The following ANKS1B variants were observed in gnomAD, a reference collection of about 807,000 sequenced individuals.
ANKS1B encodes ankyrin repeat and sterile alpha motif domain containing 1B.
A neutral mutation model predicts 148.3 loss-of-function variants in ANKS1B; 36 were observed. The ratio of observed to expected loss-of-function variants is 0.24; its 90% CI spans 0.19 to 0.32. ANKS1B has a LOEUF of 0.32. Among genes scored for constraint, ANKS1B ranks in the 10% least tolerant of loss-of-function variants. The pLI, the probability that ANKS1B is intolerant of heterozygous loss-of-function variation, is 1.00. For missense variants in ANKS1B, 1,157 were observed against 1,542.6 expected (o/e 0.75, Z 4.19); for synonymous variants, 542 against 560.8 (o/e 0.97, Z 0.47).
At chr12:99,511,345 T>G (rs2096763900) in intron 9 of ANKS1B, among the ~76,000 whole-genome samples, 1 of 151,958 alleles carries the variant, frequency 6.6e-6, no homozygotes, top group Non-Finnish European at 1.5e-5. Context: ...TGGCTAGGAA[T>G]ACAGCTAATA....
At chr12:99,453,094 T>A (rs1387878231) in intron 10 of ANKS1B, among the ~76,000 whole-genome samples, 1 of 152,000 alleles carries the variant, frequency 6.6e-6, no homozygotes, top group Non-Finnish European at 1.5e-5. Flanking sequence ...ATCGAGACCA[T>A]CCTGGCTAAC....
intron 4 of ANKS1B, among the ~76,000 whole-genome samples, chr12:99,783,665 G>A (rs950815404): frequency 6.6e-6 from 1 of 152,178 alleles, no homozygotes; most frequent in Non-Finnish European, 1.5e-5. Flanking sequence ...ACATATGTGT[G>A]AGCTAAAAAA....
At chr12:99,370,351 T>G (rs995677166) in intron 12 of ANKS1B, among the ~76,000 whole-genome samples, 2 of 152,110 alleles carry the variant, frequency 1.3e-5, no homozygotes, top group Non-Finnish European at 2.9e-5. Context: ...TGTTATGGCT[T>G]ATGGAACATG....
At chr12:99,182,154 G>A (rs2079190382) in intron 14 of ANKS1B, among the ~76,000 whole-genome samples, 2 of 152,214 alleles carry the variant, frequency 1.3e-5, no homozygotes, top group East Asian at 1.9e-4. Flanking sequence ...ATTTTATATG[G>A]TGGCAGGGCG....
In ANKS1B at chr12:99,767,886, A is replaced by G. The variant is rs149050704; in HGVS notation, c.1128+5036T>C. On this transcript the variant is annotated intron_variant, in intron 8 of 26. Coordinates refer to ENST00000683438, the MANE Select transcript of ANKS1B (RefSeq NM_001352186.2). ...TTAATTTTTAACTTATATTAGTAAA[A>G]GTGTTCAAACTACCATATTATAGCT... Among the ~76,000 whole-genome samples, 604 of 152,258 alleles carry G rather than the reference A, an allele frequency of 4.0e-3. 3 individuals carry two copies. Among genetic ancestry groups the G allele is most frequent in the African/African-American group, 0.014 (581 of 41,566 alleles).
intron 8 of ANKS1B, among the ~76,000 whole-genome samples, chr12:99,716,145 G>A (rs529427493): frequency 7.3e-5 from 11 of 151,666 alleles, no homozygotes; most frequent in Non-Finnish European, 1.3e-4. Flanking sequence ...AGAACCCCCC[G>A]ATCCCTTATT....
intron 9 of ANKS1B, among the ~76,000 whole-genome samples, chr12:99,625,685 A>G (rs1478049603): frequency 6.6e-6 from 1 of 152,192 alleles, no homozygotes; most frequent in East Asian, 1.9e-4. Context: ...CTTCATGATA[A>G]CAATGCAGCT....
At chr12:99,948,329 T>C (rs554629605) in intron 1 of ANKS1B, among the ~76,000 whole-genome samples, 3 of 138,812 alleles carry the variant, frequency 2.2e-5, no homozygotes, top group African/African-American at 5.4e-5. Flanking sequence ...ATCCTGGCCA[T>C]AGCAAAAAAA....
chr12:99,163,733 T>A (rs969056724), intron 14 of ANKS1B, among the ~76,000 whole-genome samples: 8 of 152,128 alleles, frequency 5.3e-5, no homozygotes, highest in Non-Finnish European at 1.2e-4. Flanking sequence ...ATGTAACATT[T>A]TGGAATTGGG....
intron 1 of ANKS1B, among the ~76,000 whole-genome samples, chr12:99,958,529 T>C (rs113643196): frequency 1.4e-3 from 212 of 152,224 alleles, no homozygotes; most frequent in African/African-American, 4.8e-3. Flanking sequence ...ACTACGGGCA[T>C]GCACCACCAT....
At chr12:99,125,718 G>C (rs967325608) in intron 15 of ANKS1B, among the ~76,000 whole-genome samples, 2 of 152,134 alleles carry the variant, frequency 1.3e-5, no homozygotes, top group Admixed American at 6.5e-5. Context: ...ATAACTCCTA[G>C]GTTTCCCATA....
At chr12:98,867,925 G>A (rs567214817) in intron 17 of ANKS1B, among the ~76,000 whole-genome samples, 34 of 151,752 alleles carry the variant, frequency 2.2e-4, no homozygotes, top group Non-Finnish European at 2.8e-4. Flanking sequence ...AGCTTCTGCC[G>A]TTTATGGGAG....
At chr12:99,937,882 T>C (rs917696549) in intron 1 of ANKS1B, among the ~76,000 whole-genome samples, 1 of 152,136 alleles carries the variant, frequency 6.6e-6, no homozygotes, top group African/African-American at 2.4e-5. Flanking sequence ...AAATCAGTCA[T>C]GAATCCTGCC....
chr12:99,380,915 A>G (rs575675924), intron 12 of ANKS1B, among the ~76,000 whole-genome samples: 1 of 152,306 alleles, frequency 6.6e-6, no homozygotes, highest in African/African-American at 2.4e-5. Flanking sequence ...AAGTTCATGA[A>G]TTTACAATAA....
intron 14 of ANKS1B, among the ~76,000 whole-genome samples, chr12:99,167,730 T>C (rs894174723): frequency 1.3e-5 from 2 of 151,970 alleles, no homozygotes; most frequent in African/African-American, 4.8e-5. Flanking sequence ...ACATATGCCA[T>C]ACAGAGACTT....
intron 1 of ANKS1B, among the ~76,000 whole-genome samples, chr12:99,859,419 T>C (rs1358936947): frequency 2.0e-5 from 3 of 152,190 alleles, no homozygotes; most frequent in African/African-American, 4.8e-5. Context: ...AAGTTTGACA[T>C]ATAATTCTTT....
At position 99,560,893 on chromosome 12, in the gene ANKS1B, C is replaced by G. The variant is rs573704070; in HGVS notation, c.1273-56252G>C. Among the ~76,000 whole-genome samples the G allele has an allele frequency of 8.4e-5, 11 of 130,414 alleles. No individual in the cohort carries two copies. In the East Asian group the frequency reaches 2.5e-3, roughly 30 times the overall value. The allele number at this position is 130,414 out of a possible 152,430, so 85.6% of individuals were successfully genotyped here. On this transcript the variant is annotated intron_variant, in intron 9 of 26. Coordinates refer to ENST00000683438, the MANE Select transcript of ANKS1B (RefSeq NM_001352186.2). The stretch of plus-strand genomic sequence containing the variant: ...ACGGAGTCTCACACTCTCCTTCAGG[C>G]TGTAGTACAGTGGTGCCATCTCAAC...
At chr12:98,775,032 A>G (rs2098655226) in intron 24 of ANKS1B, among the ~76,000 whole-genome samples, 1 of 152,206 alleles carries the variant, frequency 6.6e-6, no homozygotes, top group African/African-American at 2.4e-5. Context: ...TAATGTTAAA[A>G]TGAGAAAAAG....
At chr12:98,975,459 C>A (rs537245781) in intron 17 of ANKS1B, among the ~76,000 whole-genome samples, 8 of 152,020 alleles carry the variant, frequency 5.3e-5, no homozygotes, top group Non-Finnish European at 8.8e-5. Context: ...CTTGCAGTCA[C>A]CGAATGTTTT....
Sources: gnomAD v4.1 joint callset for allele counts (sites outside exome capture counted in the v4.1 genomes callset) on GRCh38, gnomAD v4.1.1 for gene constraint, MANE v1.5 for transcripts, NCBI Gene and HGNC (gene_info 2026-07-23, HGNC 2026-07-21) for gene names.